ARHGEF4: variants seen among roughly 807,000 people sequenced by gnomAD.
ARHGEF4 encodes APC-stimulated guanine nucleotide exchange factor 1.
In ARHGEF4, 119 loss-of-function variants were observed where a neutral mutation model predicts 162.0. That is an observed-to-expected ratio of 0.73 (90% CI 0.63 to 0.86). The LOEUF (loss-of-function observed/expected upper bound fraction) is 0.86. Among genes scored for constraint, ARHGEF4 ranks in the 40% least tolerant of loss-of-function variants. The probability of loss-of-function intolerance (pLI) is 0.00; values close to 1 mark genes in which losing one functional copy is unlikely to be tolerated. For missense variants in ARHGEF4, 2,488 were observed against 2,456.0 expected, an observed-to-expected ratio of 1.01 and a Z score of -0.28; for synonymous variants, 1,014 against 979.9, an observed-to-expected ratio of 1.03 and a Z score of -0.65.
chr2:130,916,540 G>A lies in ARHGEF4; in HGVS notation c.2594G>A (p.Gly865Asp). Residue 865 changes from glycine (G) to aspartate (D), a missense_variant, in exon 2 of 14, where the codon GGC (glycine) becomes GAC (aspartate). By Grantham distance (94) the Gly-to-Asp change is moderately conservative. This residue lies in a region of ARHGEF4 where 1,642 missense variants were observed against 1,481.5 expected (regional missense o/e 1.11). Transcript: ENST00000409359. ...CCCGAGTTTGTCCCGCAGGCTGCAG[G>A]CGACAGGACTGCAGGGCCGGCAGGA... ...AWPEFVPQAAGDRTAGPAGAG... is the reference protein window; with the variant it reads ...AWPEFVPQAADDRTAGPAGAG... The A allele has an allele frequency of 6.5e-7, 1 of 1,550,090 alleles. No homozygotes were observed. The highest frequency in any genetic ancestry group is 1.2e-5 in the South Asian group (1 of 84,016).
At chr2:131,037,445 C>T (rs1228145260) in intron 5 of ARHGEF4, among the ~76,000 whole-genome samples, 2 of 152,188 alleles carry the variant, frequency 1.3e-5, no homozygotes, top group Admixed American at 6.5e-5. Flanking sequence ...TCACACAGTG[C>T]TTAGGGAGTA....
intron 11 of ARHGEF4, 76 bp downstream of exon 11, chr2:131,043,659 C>T: frequency 6.2e-7 from 1 of 1,600,812 alleles, no homozygotes; most frequent in South Asian, 1.1e-5. Context: ...GGAGCAGCTG[C>T]CCAGAAGACA....
chr2:131,008,300 A>C (rs931494491), intron 4 of ARHGEF4, among the ~76,000 whole-genome samples: 2 of 152,220 alleles, frequency 1.3e-5, no homozygotes, highest in African/African-American at 2.4e-5. Context: ...TTTTCTTAGG[A>C]TAAAACCCTA....
intron 13 of ARHGEF4, 197 bp downstream of exon 13, chr2:131,045,643 C>G: frequency 6.6e-7 from 1 of 1,521,878 alleles, no homozygotes; most frequent in Non-Finnish European, 8.8e-7. Context: ...GGTTGACATT[C>G]TTACTCTCAA....
chr2:130,867,923 CTT>C (rs1319157545), intron 1 of ARHGEF4, among the ~76,000 whole-genome samples: 1 of 137,830 alleles, frequency 7.3e-6, no homozygotes, highest in African/African-American at 2.7e-5. Context: ...GTGTTTTTTT[CTT>C]TTTTTTTTTT....
intron 1 of ARHGEF4, among the ~76,000 whole-genome samples, chr2:130,876,979 G>C (rs1678888781): frequency 6.6e-6 from 1 of 152,206 alleles, no homozygotes; most frequent in African/African-American, 2.4e-5. Context: ...GTATTTGATA[G>C]AGTAAAATAA....
At chr2:130,885,182 T>G (rs1017455043) in intron 1 of ARHGEF4, among the ~76,000 whole-genome samples, 3 of 152,068 alleles carry the variant, frequency 2.0e-5, no homozygotes, top group Admixed American at 6.5e-5. Context: ...ATGTCAGATG[T>G]TTGAAGGCAC....
chr2:130,848,754 A>T (rs1048821190), intron 1 of ARHGEF4, among the ~76,000 whole-genome samples: 3 of 152,148 alleles, frequency 2.0e-5, no homozygotes, highest in African/African-American at 7.2e-5. Context: ...CAGGGAGACC[A>T]GGCCCCGAGG....
In ARHGEF4 at chr2:130,914,316, G is replaced by C; in HGVS notation, c.370G>C (p.Gly124Arg). The C allele has an allele frequency of 1.3e-6, 2 of 1,490,068 alleles. No individual in the cohort carries two copies. Among genetic ancestry groups the C allele is most frequent in the Non-Finnish European group, 8.9e-7 (1 of 1,123,358 alleles). 92.3% of individuals were successfully genotyped at this position (1,490,068 alleles called of 1,614,324 possible). A position where few individuals can be genotyped will look rare whatever the true frequency, so the allele number is the denominator to read the frequency against. Residue 124 changes from glycine (G) to arginine (R), a missense_variant, in exon 2 of 14, where the codon GGG becomes CGG. Gly to Arg is a moderately radical substitution (Grantham distance 125). Coordinates refer to ENST00000409359, the MANE Select transcript of ARHGEF4 (RefSeq NM_001367493.1). The part of the protein sequence containing the change: ...PQEQHLTSVP[G>R]LHAKEELDLS... Reference sequence around the variant, plus strand: ...GGAGCAGCATTTGACCAGTGTTCCTGGGCTTCATGCAAAGGAAGAACTCGA... The same window carrying C: ...GGAGCAGCATTTGACCAGTGTTCCTCGGCTTCATGCAAAGGAAGAACTCGA...
chr2:130,950,803 C>G lies in ARHGEF4; in HGVS notation c.3985+4168C>G, dbSNP rs116872307. ...AACTGGTTTTGTGACTGGCTTCTCT[C>G]ACTTATAATAATGTTTTCAAGGTTC... On this transcript the variant is annotated intron_variant, in intron 4 of 13. Coordinates refer to ENST00000409359, the MANE Select transcript of ARHGEF4 (RefSeq NM_001367493.1). Among the ~76,000 whole-genome samples the G allele has an allele frequency of 1.5e-4, 23 of 152,052 alleles. No homozygotes were observed. The East Asian group carries it at 4.1e-3, about 27-fold the overall frequency.
At chr2:130,876,099 C>T (rs1046301195) in intron 1 of ARHGEF4, among the ~76,000 whole-genome samples, 1 of 152,148 alleles carries the variant, frequency 6.6e-6, no homozygotes, top group African/African-American at 2.4e-5. Flanking sequence ...TTGGTTCAGC[C>T]GCTCATAGGG....
intron 3 of ARHGEF4, among the ~76,000 whole-genome samples, chr2:130,942,350 C>T (rs1179720452): frequency 2.0e-5 from 3 of 151,634 alleles, no homozygotes; most frequent in Admixed American, 6.6e-5. Context: ...AGGGTTTCAC[C>T]GTGTTAGCCA....
At chr2:131,034,518 T>C (rs571576266) in intron 5 of ARHGEF4, among the ~76,000 whole-genome samples, 112 of 152,312 alleles carry the variant, frequency 7.4e-4, no homozygotes, top group African/African-American at 2.7e-3. Context: ...GTTTAAATCC[T>C]GCCTCCGCCA....
chr2:130,860,578 C>T (rs369281407), intron 1 of ARHGEF4, among the ~76,000 whole-genome samples: 1,900 of 112,616 alleles, frequency 0.017, 375 homozygotes, highest in South Asian at 0.038. Context: ...GGCATGGTGG[C>T]GGGCGCCTGT....
intron 1 of ARHGEF4, among the ~76,000 whole-genome samples, chr2:130,864,741 A>C (rs1682146770): frequency 1.3e-5 from 2 of 152,234 alleles, no homozygotes; most frequent in Non-Finnish European, 2.9e-5. Context: ...AAACAAAAAC[A>C]AAAAATACAG....
intron 4 of ARHGEF4, among the ~76,000 whole-genome samples, chr2:130,958,657 A>G (rs1283270451): frequency 1.3e-5 from 2 of 151,844 alleles, no homozygotes; most frequent in Non-Finnish European, 2.9e-5. Flanking sequence ...TGATCTGCCC[A>G]ACTCAGCCTC....
chr2:130,878,478 G>A (rs531108217), intron 1 of ARHGEF4, among the ~76,000 whole-genome samples: 31 of 152,200 alleles, frequency 2.0e-4, no homozygotes, highest in Non-Finnish European at 2.9e-4. Context: ...CCAAGTGGAT[G>A]CTGTGTGAGC....
At chr2:131,019,392 A>G (rs1174788885) in intron 4 of ARHGEF4, among the ~76,000 whole-genome samples, 1 of 152,128 alleles carries the variant, frequency 6.6e-6, no homozygotes, top group Non-Finnish European at 1.5e-5. Flanking sequence ...AGCCTGGGCA[A>G]CAAGAGTGAA....
At chr2:130,935,354 T>G (rs1289496953) in intron 3 of ARHGEF4, among the ~76,000 whole-genome samples, 1 of 152,094 alleles carries the variant, frequency 6.6e-6, no homozygotes, top group Non-Finnish European at 1.5e-5. Flanking sequence ...GTTTTTCTAT[T>G]ACTATATTTA....
Sources: allele counts gnomAD v4.1 joint callset (sites outside exome capture counted in the v4.1 genomes callset), GRCh38; gene constraint gnomAD v4.1.1; regional missense constraint gnomAD v4.1.1; transcripts MANE v1.5; gene names NCBI Gene and HGNC (gene_info 2026-07-23, HGNC 2026-07-21).